Variants in CREB1 observed in about 807,000 individuals in gnomAD.
The protein encoded by CREB1 is cyclic AMP-responsive element-binding protein 1.
In CREB1, 2 loss-of-function variants were observed where a neutral mutation model predicts 42.0. The observed-to-expected ratio is 0.05, with a 90% confidence interval of 0.02 to 0.15. CREB1 has a LOEUF of 0.15. Ranked by LOEUF, CREB1 falls within the 10% of genes least tolerant of loss-of-function variation. CREB1 has a pLI of 1.00. For synonymous variants in CREB1, 123 were observed against 139.9 expected, an observed-to-expected ratio of 0.88 and a Z score of 0.85; for missense variants, 199 against 388.9, an observed-to-expected ratio of 0.51 and a Z score of 4.11.
At chr2:207,577,796 A>G (rs1249050542) in intron 7 of CREB1, 141 bp downstream of exon 7, 2 of 950,804 alleles carry the variant, frequency 2.1e-6, no homozygotes, top group East Asian at 2.7e-5. Context: ...ATCTTGCTAA[A>G]TTTTCTTTAT....
intron 7 of CREB1, among the ~76,000 whole-genome samples, chr2:207,593,719 C>CTTTT (rs5838079): frequency 1.9e-5 from 2 of 102,674 alleles, no homozygotes; most frequent in South Asian, 3.6e-4. Context: ...TCCTCACAAA[C>CTTTT]TTTTTTTTTT....
chr2:207,586,257 A>C (rs1191725057), intron 7 of CREB1, among the ~76,000 whole-genome samples: 2 of 152,212 alleles, frequency 1.3e-5, no homozygotes, highest in African/African-American at 2.4e-5. Context: ...AGTGGAACAG[A>C]ATAAAGAACA....
intron 7 of CREB1, among the ~76,000 whole-genome samples, chr2:207,583,998 G>T (rs1303176689): frequency 6.6e-6 from 1 of 152,074 alleles, no homozygotes; most frequent in African/African-American, 2.4e-5. Flanking sequence ...TGATTTTGTT[G>T]CATGAATCAG....
intron 2 of CREB1, among the ~76,000 whole-genome samples, chr2:207,558,157 T>C (rs2081807069): frequency 6.6e-6 from 1 of 152,204 alleles, no homozygotes; most frequent in African/African-American, 2.4e-5. Flanking sequence ...AAGGACTTTA[T>C]TACTATCCAG....
At chr2:207,530,524 C>T (rs2080557738) in intron 1 of CREB1, among the ~76,000 whole-genome samples, 1 of 145,710 alleles carries the variant, frequency 6.9e-6, no homozygotes, top group Non-Finnish European at 1.5e-5. Context: ...AACCCGGAGC[C>T]GCCCCGGGGG....
chr2:207,540,669 TAAAAAAAAAAAAAAAAA>T (rs35714520), intron 1 of CREB1, among the ~76,000 whole-genome samples: 1 of 64,268 alleles, frequency 1.6e-5, no homozygotes, highest in African/African-American at 7.0e-5. Flanking sequence ...GTTTAAAAAG[TAAAAAAAAAAAAAAAAA>T]AAAAAAAAAA....
intron 1 of CREB1, among the ~76,000 whole-genome samples, chr2:207,531,561 C>T (rs150841441): frequency 6.6e-6 from 1 of 152,304 alleles, no homozygotes; most frequent in African/African-American, 2.4e-5. Context: ...TAATTCTAAC[C>T]TCAGCTGGCG....
At chr2:207,537,408 C>T (rs903434845) in intron 1 of CREB1, among the ~76,000 whole-genome samples, 1 of 152,104 alleles carries the variant, frequency 6.6e-6, no homozygotes, top group Non-Finnish European at 1.5e-5. Flanking sequence ...AAAGGCAGAA[C>T]GTTTTTTATC....
At chr2:207,577,268 AAAAAT>A (rs2082632109) in intron 6 of CREB1, 2 of 1,081,104 alleles carry the variant, frequency 1.8e-6, no homozygotes, top group African/African-American at 1.6e-5. Context: ...CATTCAAATG[AAAAAT>A]AAAATGTAAG....
intron 2 of CREB1, among the ~76,000 whole-genome samples, chr2:207,557,437 C>G (rs2081773433): frequency 6.6e-6 from 1 of 152,198 alleles, no homozygotes; most frequent in South Asian, 2.1e-4. Context: ...AATCCCCACA[C>G]TTTGGGAGGC....
intron 7 of CREB1, among the ~76,000 whole-genome samples, chr2:207,579,041 C>T (rs1215756823): frequency 6.6e-6 from 1 of 152,154 alleles, no homozygotes; most frequent in Non-Finnish European, 1.5e-5. Context: ...CCTCCTCGGA[C>T]TTCCAAAGTG....
chr2:207,576,241 C>CTTTTTTTTTTTTTTTTTTTGT (rs35735523), intron 6 of CREB1, among the ~76,000 whole-genome samples: 106 of 100,998 alleles, frequency 1.0e-3, no homozygotes, highest in African/African-American at 1.2e-3. Context: ...CTTTTTTTGG[C>CTTTTTTTTTTTTTTTTTTTGT]TTTTTTTTTT....
intron 1 of CREB1, among the ~76,000 whole-genome samples, chr2:207,552,358 A>G (rs1164169797): frequency 1.3e-5 from 2 of 152,132 alleles, no homozygotes; most frequent in African/African-American, 4.8e-5. Context: ...AGTAGTCTCA[A>G]TGTGTTGTAA....
chr2:207,577,863 G>GT (rs2082656767), intron 7 of CREB1: 1 of 555,112 alleles, frequency 1.8e-6, no homozygotes, highest in African/African-American at 1.9e-5. Flanking sequence ...TTTGATCGTG[G>GT]AGTAGTTTTC....
rs374315746 is a variant in CREB1, at chr2:207,545,883, G to A, written c.-8-9745G>A. On this transcript the variant is annotated intron_variant, in intron 1 of 7. Transcript: ENST00000353267. Reference sequence around the variant, plus strand: ...CGAGTAGCTGGGATTACAGGCGTGCGCCACCACGCCTGGCTAATTTTGTAT... The same window carrying A: ...CGAGTAGCTGGGATTACAGGCGTGCACCACCACGCCTGGCTAATTTTGTAT... 1.9e-4 allele frequency among the ~76,000 whole-genome samples: 29 copies of A among 152,116 alleles called. 1 individual carries two copies. The highest frequency in any genetic ancestry group is 6.3e-4 in the African/African-American group (26 of 41,518).
At chr2:207,550,823 T>G (rs2081475298) in intron 1 of CREB1, among the ~76,000 whole-genome samples, 1 of 152,194 alleles carries the variant, frequency 6.6e-6, no homozygotes, top group Non-Finnish European at 1.5e-5. Flanking sequence ...AGTTAGATGG[T>G]CAGCCTTGTA....
chr2:207,582,246 G>A, intron 7 of CREB1: 1 of 696,214 alleles, frequency 1.4e-6, no homozygotes, highest in Non-Finnish European at 2.6e-6. Context: ...AGTACTTGGA[G>A]GCTATGCAGA....
intron 1 of CREB1, among the ~76,000 whole-genome samples, chr2:207,541,439 T>G (rs2081095862): frequency 6.6e-6 from 1 of 152,202 alleles, no homozygotes; most frequent in Non-Finnish European, 1.5e-5. Context: ...TTTGGATATG[T>G]TTCGATAACA....
chr2:207,554,607 A>G (rs1396140252), intron 1 of CREB1, among the ~76,000 whole-genome samples: 1 of 152,158 alleles, frequency 6.6e-6, no homozygotes, highest in Non-Finnish European at 1.5e-5. Context: ...TACAGTAGCT[A>G]CTGCTGGTAG....
Sources: gnomAD v4.1 joint callset for allele counts (sites outside exome capture counted in the v4.1 genomes callset) on GRCh38, gnomAD v4.1.1 for gene constraint, MANE v1.5 for transcripts, NCBI Gene and HGNC (gene_info 2026-07-23, HGNC 2026-07-21) for gene names.